ZFPM2: variants seen among roughly 807,000 people sequenced by gnomAD.
ZFPM2 encodes zinc finger protein ZFPM2.
A neutral mutation model predicts 98.6 loss-of-function variants in ZFPM2; 20 were observed. The ratio of observed to expected loss-of-function variants is 0.20; its 90% confidence interval spans 0.14 to 0.29. ZFPM2 has a LOEUF of 0.29. Ranked by LOEUF, ZFPM2 falls within the 10% of genes least tolerant of loss-of-function variation. The probability of loss-of-function intolerance (pLI) is 1.00; values close to 1 mark genes in which losing one functional copy is unlikely to be tolerated. For synonymous variants in ZFPM2, 518 were observed against 502.7 expected (o/e 1.03, Z -0.41); for missense variants, 1,310 against 1,388.6 (o/e 0.94, Z 0.90).
chr8:105,700,216 T>G (rs1203553965), intron 5 of ZFPM2, among the ~76,000 whole-genome samples: 2 of 152,222 alleles, frequency 1.3e-5, no homozygotes, highest in Non-Finnish European at 2.9e-5. Flanking sequence ...GCAGGTTGCG[T>G]GGCAACCAGT....
At position 105,318,912 on chromosome 8, in the gene ZFPM2, G is replaced by T; in HGVS notation, c.-30G>T. The T allele has an allele frequency of 7.3e-7, 1 of 1,372,928 alleles. No homozygotes were observed. Among genetic ancestry groups the T allele is most frequent in the South Asian group, 1.5e-5 (1 of 65,716 alleles). The allele number at this position is 1,372,928 out of a possible 1,614,324, so 85.0% of individuals were successfully genotyped here. A position where few individuals can be genotyped will look rare whatever the true frequency, so the allele number is the denominator to read the frequency against. ...GGCAGCCGCGACCGCGGGCACCGCG[G>T]GAGCCCCAGCGGCAGCAGCCGCCGC... On this transcript the variant is annotated 5_prime_UTR_variant, in exon 1 of 8. Transcript: ENST00000407775.
chr8:105,790,516 G>T (rs1813576414), intron 6 of ZFPM2, among the ~76,000 whole-genome samples: 1 of 151,994 alleles, frequency 6.6e-6, no homozygotes, highest in Admixed American at 6.6e-5. Flanking sequence ...ATAGTTTGAA[G>T]TCAGGTAGCG....
At chr8:105,598,405 A>G (rs1025865192) in intron 4 of ZFPM2, among the ~76,000 whole-genome samples, 1 of 152,172 alleles carries the variant, frequency 6.6e-6, no homozygotes, top group Admixed American at 6.5e-5. Flanking sequence ...CTCTATCACC[A>G]TGAATGCATT....
intron 6 of ZFPM2, among the ~76,000 whole-genome samples, chr8:105,790,525 C>T (rs892773409): frequency 5.7e-4 from 87 of 151,868 alleles, no homozygotes; most frequent in Admixed American, 2.8e-3. Flanking sequence ...AGTCAGGTAG[C>T]GTGATGCCTC....
At chr8:105,561,560 T>TA in intron 4 of ZFPM2, 79 bp downstream of exon 4, 2 of 1,141,576 alleles carry the variant, frequency 1.8e-6, no homozygotes, top group Non-Finnish European at 2.5e-6. Flanking sequence ...TTCTCTCTGC[T>TA]TGCTTTCCAA....
At chr8:105,327,280 T>G (rs1443060719) in intron 1 of ZFPM2, among the ~76,000 whole-genome samples, 1 of 151,696 alleles carries the variant, frequency 6.6e-6, no homozygotes, top group Non-Finnish European at 1.5e-5. Flanking sequence ...ATTTGCAAAA[T>G]TTTAAAAATA....
chr8:105,678,997 G>T (rs943463210), intron 5 of ZFPM2: 2 of 151,118 alleles, frequency 1.3e-5, no homozygotes, highest in Middle Eastern at 3.2e-3. Flanking sequence ...TTGCTAGCCT[G>T]TGTGACCTTA....
At chr8:105,537,690 A>G (rs1468661198) in intron 3 of ZFPM2, among the ~76,000 whole-genome samples, 1 of 152,030 alleles carries the variant, frequency 6.6e-6, no homozygotes, top group African/African-American at 2.4e-5. Flanking sequence ...TCTAAATAAA[A>G]GAAAAAGAAA....
intron 1 of ZFPM2, among the ~76,000 whole-genome samples, chr8:105,341,954 C>T (rs1182030913): frequency 6.6e-6 from 1 of 151,974 alleles, no homozygotes; most frequent in Non-Finnish European, 1.5e-5. Flanking sequence ...AGTTAAATGC[C>T]TGGGCATTTG....
chr8:105,602,311 G>A (rs542421260), intron 4 of ZFPM2, among the ~76,000 whole-genome samples: 1 of 152,130 alleles, frequency 6.6e-6, no homozygotes, highest in East Asian at 1.9e-4. Flanking sequence ...AAAAGGATTG[G>A]TTTTTGTTCT....
intron 3 of ZFPM2, among the ~76,000 whole-genome samples, chr8:105,560,367 A>G (rs935322095): frequency 6.6e-6 from 1 of 151,954 alleles, no homozygotes. Context: ...GCTGTTGATC[A>G]GGCTGAAAAT....
intron 3 of ZFPM2, among the ~76,000 whole-genome samples, chr8:105,479,476 G>C (rs984923760): frequency 2.0e-5 from 3 of 152,126 alleles, no homozygotes; most frequent in African/African-American, 7.2e-5. Flanking sequence ...GGCTCAAAAT[G>C]TGCAAATTCT....
At chr8:105,797,127 G>T (rs1466819054) in intron 6 of ZFPM2, 2 of 152,176 alleles carry the variant, frequency 1.3e-5, no homozygotes, top group African/African-American at 4.8e-5. Flanking sequence ...CCTTGCCATG[G>T]AGGCATTATG....
At chr8:105,441,340 T>G (rs1219335738) in intron 2 of ZFPM2, among the ~76,000 whole-genome samples, 2 of 151,082 alleles carry the variant, frequency 1.3e-5, no homozygotes, top group African/African-American at 4.9e-5. Flanking sequence ...TCAATAAATA[T>G]TTTATGGAGG....
At chr8:105,401,589 C>G (rs1251839234) in intron 1 of ZFPM2, among the ~76,000 whole-genome samples, 2 of 151,994 alleles carry the variant, frequency 1.3e-5, no homozygotes, top group Admixed American at 6.6e-5. Context: ...CATCATTTGC[C>G]TTCAGGTCAT....
intron 3 of ZFPM2, among the ~76,000 whole-genome samples, chr8:105,522,215 C>T (rs7836542): frequency 0.48 from 72,576 of 151,920 alleles, 19,972 homozygotes; most frequent in African/African-American, 0.78. Context: ...TAAGGGAAGC[C>T]TAAAAGGAAA....
At chr8:105,438,692 A>AG (rs1168028462) in intron 2 of ZFPM2, among the ~76,000 whole-genome samples, 2 of 152,210 alleles carry the variant, frequency 1.3e-5, no homozygotes, top group East Asian at 1.9e-4. Flanking sequence ...AAAGACCCGA[A>AG]GTCTGATACG....
At chr8:105,725,217 C>G (rs1203374602) in intron 5 of ZFPM2, among the ~76,000 whole-genome samples, 1 of 151,744 alleles carries the variant, frequency 6.6e-6, no homozygotes, top group African/African-American at 2.4e-5. Flanking sequence ...TCAGTTTTAT[C>G]CAGTTATCTT....
chr8:105,418,840 T>C (rs773105112), intron 1 of ZFPM2: 3 of 545,096 alleles, frequency 5.5e-6, no homozygotes, highest in South Asian at 4.5e-5. Flanking sequence ...TGCACAGTTT[T>C]GCTCTTAAAG....
Sources: allele counts gnomAD v4.1 joint callset (sites outside exome capture counted in the v4.1 genomes callset), GRCh38; gene constraint gnomAD v4.1.1; transcripts MANE v1.5; gene names NCBI Gene and HGNC (gene_info 2026-07-23, HGNC 2026-07-21).